NRK: variants seen among roughly 807,000 people sequenced by gnomAD.
NRK encodes nik-related protein kinase.
A neutral mutation model predicts 125.2 loss-of-function variants in NRK; 67 were observed. The ratio of observed to expected loss-of-function variants is 0.54; its 90% CI spans 0.44 to 0.66. NRK has a LOEUF of 0.66. Among genes scored for constraint, NRK ranks in the 30% least tolerant of loss-of-function variants. NRK has a pLI of 0.00. For synonymous variants in NRK, 458 were observed against 429.0 expected (o/e 1.07, Z -0.84); for missense variants, 1,224 against 1,192.9 (o/e 1.03, Z -0.38).
At chrX:105,838,049 G>C (rs1318086768) in intron 2 of NRK, among the ~76,000 whole-genome samples, 1 of 110,532 alleles carries the variant, frequency 9.0e-6, no homozygotes, top group African/African-American at 3.3e-5. Flanking sequence ...TAATCTCCAG[G>C]CTTTCTTCTG....
intron 28 of NRK, among the ~76,000 whole-genome samples, chrX:105,953,569 CAG>C (rs2040931746): frequency 9.0e-6 from 1 of 111,555 alleles, no homozygotes; most frequent in African/African-American, 3.3e-5. Flanking sequence ...AATTCAATAA[CAG>C]AAGGAAAATG....
intron 1 of NRK, among the ~76,000 whole-genome samples, chrX:105,827,963 G>A (rs1375727219): frequency 1.8e-5 from 2 of 111,486 alleles, no homozygotes; most frequent in Non-Finnish European, 3.8e-5. Context: ...AAACCCCTCT[G>A]ACGTGGAACT....
intron 2 of NRK, among the ~76,000 whole-genome samples, chrX:105,848,448 T>C (rs534909190): frequency 4.5e-5 from 5 of 111,877 alleles, no homozygotes; most frequent in Non-Finnish European, 7.5e-5. Context: ...ATTAAAATGG[T>C]GGTAATTCTG....
chrX:105,922,033 T>C lies in NRK; in HGVS notation c.2582T>C (p.Ile861Thr). The C allele has an allele frequency of 8.6e-7, 1 of 1,157,575 alleles. No individual in the cohort carries two copies. The highest frequency in any genetic ancestry group is 2.4e-4 in the Middle Eastern group (1 of 4,198). ...CAGTCATCACCACCTTATTCTACTA[T>C]TGATCAGAAGTTGCTGGTTGACATC... ...RSQSSPPYST[I>T]DQKLLVDIHV... Residue 861 changes from isoleucine (I) to threonine (T), a missense_variant, in exon 17 of 29, where the codon ATT (isoleucine) becomes ACT (threonine). Coordinates refer to ENST00000243300, the MANE Select transcript of NRK (RefSeq NM_198465.4).
At chrX:105,950,731 G>T (rs1325970387) in intron 27 of NRK, among the ~76,000 whole-genome samples, 1 of 109,855 alleles carries the variant, frequency 9.1e-6, no homozygotes, top group Non-Finnish European at 1.9e-5. Flanking sequence ...GAAATTATGC[G>T]ATGTCATATG....
chrX:105,837,092 TAAGTA>T (rs1263515570), intron 2 of NRK, among the ~76,000 whole-genome samples: 2 of 111,838 alleles, frequency 1.8e-5, no homozygotes, highest in African/African-American at 3.2e-5. Flanking sequence ...TTTAAGATCT[TAAGTA>T]AAGTATTCCT....
At chrX:105,825,445 T>C (rs2039079710) in intron 1 of NRK, among the ~76,000 whole-genome samples, 1 of 112,000 alleles carries the variant, frequency 8.9e-6, no homozygotes, top group African/African-American at 3.2e-5. Context: ...ATTCAGAATG[T>C]GGAAGAATAA....
rs2040503614 is a variant in NRK, at chrX:105,924,895, G to T, written c.3176G>T (p.Gly1059Val). The change falls in exon 19 of 29, where the codon GGT (glycine) becomes GTT (valine). Residue 1059 changes from glycine to valine, a missense_variant. Gly to Val is a moderately radical substitution (Grantham distance 109, BLOSUM62 -3). Transcript: ENST00000243300. ...NIGSERRGSE[G>V]DGGKGVVRTS... is the part of the protein sequence containing the mutation. ...GGCAGTGAAAGAAGAGGCAGTGAGG[G>T]TGATGGAGGTAAGGGAGTCGTTCGA... is the stretch of plus-strand genomic sequence containing the variant. The T allele has an allele frequency of 8.3e-7, 1 of 1,210,689 alleles. No homozygotes were observed. Among genetic ancestry groups the T allele is most frequent in the Non-Finnish European group, 1.1e-6 (1 of 894,659 alleles).
intron 18 of NRK, among the ~76,000 whole-genome samples, chrX:105,923,911 ATATATATATATATATG>A (rs1356034061): frequency 4.5e-5 from 4 of 88,663 alleles, no homozygotes; most frequent in East Asian, 3.3e-4. Context: ...ATATATATAT[ATATATATATATATATG>A]TGAAATTTAA....
intron 4 of NRK, 119 bp downstream of exon 4, chrX:105,881,898 C>A: frequency 2.3e-6 from 1 of 430,142 alleles, no homozygotes; most frequent in Non-Finnish European, 4.1e-6. Context: ...AGTGTTCTTG[C>A]CTGAAAGTGA....
intron 2 of NRK, among the ~76,000 whole-genome samples, chrX:105,867,207 G>A (rs901522166): frequency 9.0e-6 from 1 of 111,486 alleles, no homozygotes; most frequent in Non-Finnish European, 1.9e-5. Context: ...GAAGCATAAC[G>A]TAATTGGTTA....
In NRK at chrX:105,846,701, T is replaced by A. The variant is rs149767693; in HGVS notation, c.123+15582T>A. On this transcript the variant is annotated intron_variant, in intron 2 of 28. Coordinates refer to ENST00000243300, the MANE Select transcript of NRK (RefSeq NM_198465.4). ...ATCTCTCAGCCCTCGGGAACTTCAT[T>A]TGCTGTACCTTCTACCATCATCAAC... Among the ~76,000 whole-genome samples, 311 of 111,525 alleles carry A rather than the reference T, an allele frequency of 2.8e-3. 1 individual carries two copies. Among genetic ancestry groups the A allele is most frequent in the Middle Eastern group, 9.1e-3 (2 of 219 alleles).
In NRK at chrX:105,908,227, T is replaced by G. The variant is rs1375476002; in HGVS notation, c.1022-13T>G. 2.9e-6 allele frequency: 3 copies of G among 1,024,328 alleles called. No individual in the cohort carries two copies. The African/African-American group carries it at 5.8e-5, about 20-fold the overall frequency. 84.4% of individuals were successfully genotyped at this position (1,024,328 alleles called of 1,213,427 possible). ...CTGTTTATGCATTATGTTTTTCTCT[T>G]TTGTAAAAAAAGGAATACCTTTGAT... is the stretch of plus-strand genomic sequence containing the variant. On this transcript the variant is annotated splice_polypyrimidine_tract_variant and intron_variant, in intron 11 of 28. Coordinates refer to ENST00000243300, the MANE Select transcript of NRK (RefSeq NM_198465.4).
At chrX:105,853,069 C>T (rs1022853570) in intron 2 of NRK, among the ~76,000 whole-genome samples, 1 of 111,975 alleles carries the variant, frequency 8.9e-6, no homozygotes, top group Non-Finnish European at 1.9e-5. Context: ...CTTGGAATGA[C>T]TCATTAATCT....
At chrX:105,833,644 A>G (rs1241629460) in intron 2 of NRK, among the ~76,000 whole-genome samples, 1 of 111,767 alleles carries the variant, frequency 8.9e-6, no homozygotes, top group Non-Finnish European at 1.9e-5. Flanking sequence ...AAGACGGTAA[A>G]AAGGTAAGTT....
intron 5 of NRK, among the ~76,000 whole-genome samples, chrX:105,890,185 G>T (rs1046096609): frequency 9.0e-6 from 1 of 111,553 alleles, no homozygotes; most frequent in Non-Finnish European, 1.9e-5. Flanking sequence ...CAGTCTCTTT[G>T]CTTAAACATA....
intron 17 of NRK, among the ~76,000 whole-genome samples, chrX:105,922,736 A>G (rs982860729): frequency 1.8e-5 from 2 of 111,704 alleles, no homozygotes; most frequent in African/African-American, 6.5e-5. Context: ...TGGTAAATTA[A>G]CATATCAATT....
At chrX:105,824,064 A>T (rs2039060211) in intron 1 of NRK, among the ~76,000 whole-genome samples, 1 of 112,348 alleles carries the variant, frequency 8.9e-6, no homozygotes, top group African/African-American at 3.2e-5. Context: ...CCTTCCCTAT[A>T]TAATTTTACA....
intron 19 of NRK, among the ~76,000 whole-genome samples, chrX:105,931,982 C>A (rs1489585652): frequency 9.0e-6 from 1 of 111,363 alleles, no homozygotes; most frequent in Admixed American, 9.5e-5. Flanking sequence ...CCATCCCAAA[C>A]AAACTAAACA....
Sources: gnomAD v4.1 joint callset for allele counts (sites outside exome capture counted in the v4.1 genomes callset) on GRCh38, gnomAD v4.1.1 for gene constraint, MANE v1.5 for transcripts, NCBI Gene and HGNC (gene_info 2026-07-23, HGNC 2026-07-21) for gene names.